Variants in PI4KA observed in about 807,000 individuals in gnomAD.
PI4KA encodes the protein PI4-kinase alpha.
PI4KA carries 122 observed loss-of-function variants against 271.4 expected under a neutral mutation model. The ratio of observed to expected loss-of-function variants is 0.45; its 90% CI spans 0.39 to 0.52. PI4KA has a LOEUF of 0.52. PI4KA is among the 20% of genes least tolerant of loss of function. The pLI, the probability that PI4KA is intolerant of heterozygous loss-of-function variation, is 0.00. For missense variants in PI4KA, 1,969 were observed against 2,769.1 expected (o/e 0.71, Z 6.48); for synonymous variants, 1,041 against 1,078.8 (o/e 0.96, Z 0.69).
chr22:20,813,265 TA>T, intron 8 of PI4KA, 92 bp downstream of exon 8: 1 of 890,634 alleles, frequency 1.1e-6, no homozygotes. Flanking sequence ...GAAATACTGG[TA>T]CTCTGAGTTT....
intron 19 of PI4KA, chr22:20,787,494 A>G (rs903828813): frequency 9.7e-6 from 3 of 308,348 alleles, no homozygotes; most frequent in Non-Finnish European, 1.9e-5. Context: ...TCTCCCAAGG[A>G]GGGTACACAA....
At chr22:20,746,759 A>G (rs185734268) in intron 29 of PI4KA, among the ~76,000 whole-genome samples, 4 of 152,332 alleles carry the variant, frequency 2.6e-5, no homozygotes, top group African/African-American at 9.6e-5. Context: ...TGGTGTCTTT[A>G]GAGATAGTGC....
At chr22:20,828,327 C>T (rs1923708845) in intron 3 of PI4KA, among the ~76,000 whole-genome samples, 1 of 152,074 alleles carries the variant, frequency 6.6e-6, no homozygotes, top group Admixed American at 6.5e-5. Context: ...TCCTCTCTTC[C>T]TATCTGGATG....
intron 42 of PI4KA, chr22:20,725,712 A>T (rs767697657): frequency 1.7e-4 from 49 of 288,932 alleles, no homozygotes; most frequent in South Asian, 1.4e-3. Flanking sequence ...CTGGGACAAC[A>T]TAGCGAAACT....
At chr22:20,798,067 C>T (rs554502707) in intron 17 of PI4KA, among the ~76,000 whole-genome samples, 1 of 152,320 alleles carries the variant, frequency 6.6e-6, no homozygotes, top group East Asian at 1.9e-4. Flanking sequence ...GGACGTTTAA[C>T]GCCTACTTCC....
chr22:20,788,198 T>C (rs886538173), intron 19 of PI4KA, among the ~76,000 whole-genome samples: 2 of 152,202 alleles, frequency 1.3e-5, no homozygotes, highest in East Asian at 3.9e-4. Context: ...GCCTGGCAGA[T>C]GAGGAAGACA....
intron 3 of PI4KA, among the ~76,000 whole-genome samples, chr22:20,825,811 T>C (rs1410278086): frequency 6.6e-6 from 1 of 152,126 alleles, no homozygotes; most frequent in Non-Finnish European, 1.5e-5. Flanking sequence ...GGGTTTGGTG[T>C]ACAGATTATT....
chr22:20,751,857 G>A, intron 25 of PI4KA, 102 bp from the exon 26 acceptor site: 1 of 981,154 alleles, frequency 1.0e-6, no homozygotes, highest in Non-Finnish European at 1.6e-6. Flanking sequence ...ATCTGCTTCA[G>A]GCCAGCTGAA....
intron 51 of PI4KA, 106 bp downstream of exon 51, chr22:20,711,235 T>TG: frequency 1.5e-6 from 1 of 673,036 alleles, no homozygotes; most frequent in Non-Finnish European, 2.5e-6. Flanking sequence ...CTGACACTCC[T>TG]GGCAGGGTGG....
At chr22:20,844,574 A>C (rs180783782) in intron 1 of PI4KA, among the ~76,000 whole-genome samples, 51 of 152,372 alleles carry the variant, frequency 3.3e-4, no homozygotes, top group Non-Finnish European at 5.6e-4. Flanking sequence ...CAGAAACTAA[A>C]CGACAGAGGG....
At chr22:20,786,247 C>T (rs998094889) in intron 19 of PI4KA, 2 of 1,339,658 alleles carry the variant, frequency 1.5e-6, no homozygotes, top group African/African-American at 2.9e-5. Context: ...AATCTCATGT[C>T]CCAGCTTGGG....
chr22:20,828,953 G>T (rs1923801585), intron 3 of PI4KA, among the ~76,000 whole-genome samples: 1 of 152,122 alleles, frequency 6.6e-6, no homozygotes, highest in Non-Finnish European at 1.5e-5. Flanking sequence ...TTCTGTTTCT[G>T]CCATGAATCA....
intron 7 of PI4KA, among the ~76,000 whole-genome samples, chr22:20,816,040 A>C (rs1921767778): frequency 6.6e-6 from 1 of 151,908 alleles, no homozygotes; most frequent in African/African-American, 2.4e-5. Context: ...CCCAGGTTCA[A>C]GTGATTCTCA....
At chr22:20,724,557 G>A (rs1342530556) in intron 42 of PI4KA, among the ~76,000 whole-genome samples, 2 of 152,098 alleles carry the variant, frequency 1.3e-5, no homozygotes, top group African/African-American at 2.4e-5. Flanking sequence ...GCAAGGAGCC[G>A]AGAATGCCAC....
chr22:20,763,026 G>GGCGGT (rs1555888581), intron 22 of PI4KA, among the ~76,000 whole-genome samples: 3 of 68,508 alleles, frequency 4.4e-5, no homozygotes, highest in African/African-American at 2.7e-4. Context: ...TTGGGGGGGG[G>GGCGGT]GGGGGTTAGA....
intron 45 of PI4KA, among the ~76,000 whole-genome samples, chr22:20,715,398 C>A (rs1048917629): frequency 6.6e-6 from 1 of 151,688 alleles, no homozygotes; most frequent in Admixed American, 6.6e-5. Context: ...ACTACTCTCT[C>A]AAAAGGCTTA....
At chr22:20,780,133 T>A in intron 19 of PI4KA, 2 of 1,614,188 alleles carry the variant, frequency 1.2e-6, no homozygotes, top group Non-Finnish European at 1.7e-6. Flanking sequence ...AAGGGCCTCA[T>A]AAAAGATGCT....
intron 50 of PI4KA, among the ~76,000 whole-genome samples, chr22:20,712,052 GTTTT>G (rs950702398): frequency 1.4e-5 from 2 of 144,216 alleles, no homozygotes; most frequent in Admixed American, 1.4e-4. Context: ...AGGTGCCCTG[GTTTT>G]TTTGTGTTTT....
At chr22:20,793,730 T>C (rs113315086) in intron 18 of PI4KA, among the ~76,000 whole-genome samples, 39 of 152,372 alleles carry the variant, frequency 2.6e-4, no homozygotes, top group African/African-American at 8.7e-4. Context: ...TTACTATTTA[T>C]AGGCTTCTGT....
Sources: allele counts gnomAD v4.1 joint callset (sites outside exome capture counted in the v4.1 genomes callset), GRCh38; gene constraint gnomAD v4.1.1; transcripts MANE v1.5; gene names NCBI Gene and HGNC (gene_info 2026-07-23, HGNC 2026-07-21).